Variants in IQCH observed in about 807,000 individuals in gnomAD.
IQCH encodes the protein IQ domain-containing protein H.
In IQCH, 98 loss-of-function variants were observed where a neutral mutation model predicts 117.0. The observed-to-expected ratio is 0.84, with a 90% CI of 0.71 to 0.99. The LOEUF is 0.99. IQCH is among the 50% of genes least tolerant of loss of function. The probability of loss-of-function intolerance (pLI) is 0.00; values close to 1 mark genes in which losing one functional copy is unlikely to be tolerated. For missense variants in IQCH, 1,102 were observed against 1,243.8 expected (o/e 0.89, Z 1.72); for synonymous variants, 412 against 448.2 (o/e 0.92, Z 1.02).
At position 67,416,412 on chromosome 15, in the gene IQCH, G is replaced by A. The variant is rs2140906773; in HGVS notation, c.2098-519G>A. Among the ~76,000 whole-genome samples, 1 of 152,196 alleles carries A rather than the reference G, an allele frequency of 6.6e-6. No homozygotes were observed. The highest frequency in any genetic ancestry group is 2.1e-4 in the South Asian group (1 of 4,826). ...CATGCCTGTAGTCCCAGCTACTCGGGAGGCTGAGGCAGGAGAATCACTTGA... is the reference window on the plus strand; with the variant it reads ...CATGCCTGTAGTCCCAGCTACTCGGAAGGCTGAGGCAGGAGAATCACTTGA... On this transcript the variant is annotated intron_variant, in intron 14 of 20. Coordinates refer to ENST00000335894, the MANE Select transcript of IQCH (RefSeq NM_001031715.3). The surrounding 1 kb of genome is among the most constrained non-coding windows in gnomAD (Gnocchi z 5.1).
rs562007430 is a variant in IQCH, at chr15:67,479,923, T to C, written c.2799+4105T>C. Among the ~76,000 whole-genome samples the C allele has an allele frequency of 1.4e-3, 213 of 152,294 alleles. 2 individuals are homozygous for C. Among genetic ancestry groups the C allele is most frequent in the Non-Finnish European group, 2.4e-3 (160 of 68,022 alleles). ...TATGAGTTTATTTTTCCTTGACACA[T>C]ATGGGAAGGGAGCATTGCTGAGTTT... On this transcript the variant is annotated intron_variant, in intron 18 of 20. Transcript: ENST00000335894. This position sits in a 1 kb window ranked among gnomAD's most constrained non-coding sequence, Gnocchi z 4.6.
Position 67,405,246 on chromosome 15 carries a change from G to A in IQCH, c.2097+4941G>A, listed in dbSNP as rs1971841377. The A allele has an allele frequency of 6.6e-6, 1 of 151,910 alleles. No individual in the cohort carries two copies. Among genetic ancestry groups the A allele is most frequent in the Non-Finnish European group, 1.5e-5 (1 of 67,936 alleles). The allele number at this position is 151,910 out of a possible 1,614,324, so 9.4% of individuals were successfully genotyped here. On this transcript the variant is annotated intron_variant, in intron 14 of 20. Transcript: ENST00000335894. The surrounding 1 kb of genome is among the most constrained non-coding windows in gnomAD (Gnocchi z 4.8). ...ACATATAAATGATTATTGTTCACTTGTTTTTATATTTATTTTTATATGTTG... is the reference window on the plus strand; with the variant it reads ...ACATATAAATGATTATTGTTCACTTATTTTTATATTTATTTTTATATGTTG...
intron 3 of IQCH, among the ~76,000 whole-genome samples, chr15:67,267,315 T>A (rs939936816): frequency 2.6e-5 from 4 of 152,210 alleles, no homozygotes; most frequent in African/African-American, 9.7e-5. Context: ...GTTCTCAAAC[T>A]TTTATTTGCA....
chr15:67,496,221 G>T lies in IQCH; in HGVS notation c.2970+1855G>T, dbSNP rs2083804999. ...AGTCCCAGCTACTTGGGGGGCTGAG[G>T]TGGGAGAATCATTTGAGCCTGGGAG... On this transcript the variant is annotated intron_variant, in intron 20 of 20. Coordinates refer to ENST00000335894, the MANE Select transcript of IQCH (RefSeq NM_001031715.3). This position sits in a 1 kb window ranked among gnomAD's most constrained non-coding sequence, Gnocchi z 4.4. Among the ~76,000 whole-genome samples the T allele has an allele frequency of 6.6e-6, 1 of 152,166 alleles. No homozygotes were observed. The highest frequency in any genetic ancestry group is 6.5e-5 in the Admixed American group (1 of 15,282).
chr15:67,347,815 A>C (rs1359189990), intron 6 of IQCH, among the ~76,000 whole-genome samples: 1 of 139,382 alleles, frequency 7.2e-6, no homozygotes, highest in Non-Finnish European at 1.6e-5. Context: ...ATATATATAG[A>C]TATATATTTA....
intron 4 of IQCH, among the ~76,000 whole-genome samples, chr15:67,312,123 T>C (rs1329947819): frequency 6.6e-6 from 1 of 152,172 alleles, no homozygotes; most frequent in African/African-American, 2.4e-5. Context: ...TCAAAATTAA[T>C]TCCACTTTGA....
intron 18 of IQCH, among the ~76,000 whole-genome samples, chr15:67,489,332 CA>C (rs1214970382): frequency 1.4e-5 from 2 of 146,650 alleles, no homozygotes; most frequent in African/African-American, 2.5e-5. Flanking sequence ...CGCGCCCGGC[CA>C]ATTTTTTTTG....
intron 3 of IQCH, among the ~76,000 whole-genome samples, chr15:67,271,177 G>A (rs71400364): frequency 6.6e-6 from 1 of 151,996 alleles, no homozygotes; most frequent in African/African-American, 2.4e-5. Flanking sequence ...ACCATGCTGG[G>A]CAGGCTGGTC....
At position 67,465,065 on chromosome 15, in the gene IQCH, G is replaced by A. The variant is rs1473759842; in HGVS notation, c.2506-62G>A. 2 of 1,547,400 alleles carry A rather than the reference G, an allele frequency of 1.3e-6. No homozygotes were observed. The highest frequency in any genetic ancestry group is 2.7e-5 in the African/African-American group (2 of 73,668). The stretch of plus-strand genomic sequence containing the variant: ...TGTAGTTTGGTCTGGTTAGGCAGAG[G>A]TGGGGCCTTCGCTGCTGTTTGCTGA... On this transcript the variant is annotated intron_variant, in intron 16 of 20. Transcript: ENST00000335894. The surrounding 1 kb of genome is among the most constrained non-coding windows in gnomAD (Gnocchi z 5.9).
In IQCH at chr15:67,393,104, A is replaced by G. The variant is rs1020116005; in HGVS notation, c.1633-2187A>G. On this transcript the variant is annotated intron_variant, in intron 12 of 20. Coordinates refer to ENST00000335894, the MANE Select transcript of IQCH (RefSeq NM_001031715.3). This position sits in a 1 kb window ranked among gnomAD's most constrained non-coding sequence, Gnocchi z 5.5. ...GAAGAAACTCTGTACCCATTAAGCAATAAGTCCAAAAGAGCTCTTGTTTTA... is the reference window on the plus strand; with the variant it reads ...GAAGAAACTCTGTACCCATTAAGCAGTAAGTCCAAAAGAGCTCTTGTTTTA... Among the ~76,000 whole-genome samples the G allele has an allele frequency of 6.6e-6, 1 of 152,194 alleles. No individual in the cohort carries two copies. Among genetic ancestry groups the G allele is most frequent in the Non-Finnish European group, 1.5e-5 (1 of 68,028 alleles).
Position 67,390,946 on chromosome 15 carries a change from T to G in IQCH, c.1632+1940T>G, listed in dbSNP as rs1262903422. 6.6e-6 allele frequency among the ~76,000 whole-genome samples: 1 copy of G among 152,214 alleles called. No homozygotes were observed. Among genetic ancestry groups the G allele is most frequent in the Non-Finnish European group, 1.5e-5 (1 of 68,038 alleles). Reference sequence around the variant, plus strand: ...CCAAAATCTCTCTACCGCAGAGCAGTATCATGAGTTGGAATGACTGCCTTG... The same window carrying G: ...CCAAAATCTCTCTACCGCAGAGCAGGATCATGAGTTGGAATGACTGCCTTG... On this transcript the variant is annotated intron_variant, in intron 12 of 20. Coordinates refer to ENST00000335894, the MANE Select transcript of IQCH (RefSeq NM_001031715.3). This position sits in a 1 kb window ranked among gnomAD's most constrained non-coding sequence, Gnocchi z 5.0.
At chr15:67,292,454 T>C (rs986828171) in intron 4 of IQCH, among the ~76,000 whole-genome samples, 2 of 152,114 alleles carry the variant, frequency 1.3e-5, no homozygotes, top group African/African-American at 4.8e-5. Flanking sequence ...AGCAAGGTTT[T>C]GTTGCCCAGG....
Position 67,467,743 on chromosome 15 carries a change from G to A in IQCH, c.2676+2446G>A, listed in dbSNP as rs746719258. Among the ~76,000 whole-genome samples the A allele has an allele frequency of 2.0e-5, 3 of 152,190 alleles. No individual in the cohort carries two copies. The highest frequency in any genetic ancestry group is 1.3e-4 in the Admixed American group (2 of 15,280). Reference sequence around the variant, plus strand: ...ACAAGTGTGAACAGACTATGATGCCGTCAAGTTTATGATCAGGCAGTTGAC... The same window carrying A: ...ACAAGTGTGAACAGACTATGATGCCATCAAGTTTATGATCAGGCAGTTGAC... On this transcript the variant is annotated intron_variant, in intron 17 of 20. Coordinates refer to ENST00000335894, the MANE Select transcript of IQCH (RefSeq NM_001031715.3). This position sits in a 1 kb window ranked among gnomAD's most constrained non-coding sequence, Gnocchi z 5.7.
chr15:67,331,780 A>T (rs1425293913), intron 4 of IQCH, among the ~76,000 whole-genome samples: 1 of 152,186 alleles, frequency 6.6e-6, no homozygotes, highest in Non-Finnish European at 1.5e-5. Context: ...GTTACAGGAC[A>T]TTCTAATCCC....
Position 67,333,523 on chromosome 15 carries a change from C to T in IQCH, c.388-3452C>T, listed in dbSNP as rs139562676. On this transcript the variant is annotated intron_variant, in intron 4 of 20. Transcript: ENST00000335894. Reference sequence around the variant, plus strand: ...TATATCATTCTAAAGATGTCAGGGACGATGGATCACCTGATGATATTTGGC... The same window carrying T: ...TATATCATTCTAAAGATGTCAGGGATGATGGATCACCTGATGATATTTGGC... Among the ~76,000 whole-genome samples the T allele has an allele frequency of 8.5e-5, 13 of 152,238 alleles. No homozygotes were observed. The East Asian group carries it at 2.1e-3, about 25-fold the overall frequency.
chr15:67,281,133 C>T (rs556893878), intron 4 of IQCH, among the ~76,000 whole-genome samples: 3 of 152,242 alleles, frequency 2.0e-5, no homozygotes, highest in Non-Finnish European at 2.9e-5. Flanking sequence ...CATGAGCCAC[C>T]GCGCGTGGCC....
intron 3 of IQCH, among the ~76,000 whole-genome samples, chr15:67,273,546 A>G (rs1965995041): frequency 6.6e-6 from 1 of 152,238 alleles, no homozygotes; most frequent in Non-Finnish European, 1.5e-5. Flanking sequence ...AACTTTAAAA[A>G]AACTCTACAC....
chr15:67,414,104 G>A (rs757611161), intron 14 of IQCH, among the ~76,000 whole-genome samples: 1 of 152,236 alleles, frequency 6.6e-6, no homozygotes, highest in Non-Finnish European at 1.5e-5. Context: ...CGCCCAGGAA[G>A]AATTTGTGGT....
intron 14 of IQCH, among the ~76,000 whole-genome samples, chr15:67,414,804 A>G (rs2081537626): frequency 6.6e-6 from 1 of 152,082 alleles, no homozygotes; most frequent in African/African-American, 2.4e-5. Flanking sequence ...CTGTCTTGGT[A>G]TGAATGACCA....
Sources: allele counts gnomAD v4.1 joint callset (sites outside exome capture counted in the v4.1 genomes callset), GRCh38; gene constraint gnomAD v4.1.1; non-coding constraint Gnocchi (gnomAD v3.1); transcripts MANE v1.5; gene names NCBI Gene and HGNC (gene_info 2026-07-23, HGNC 2026-07-21).